Variants in ROBO2 observed in about 807,000 individuals in gnomAD.
The protein encoded by ROBO2 is roundabout guidance receptor 2.
Under a neutral mutation model 160.8 loss-of-function variants are expected in ROBO2, and 53 were observed. That is an observed-to-expected ratio of 0.33 (90% CI 0.26 to 0.41). The LOEUF is 0.41. ROBO2 is among the 10% of genes least tolerant of loss of function. The pLI is 1.00. For synonymous variants in ROBO2, 664 were observed against 611.7 expected (o/e 1.09, Z -1.26); for missense variants, 1,577 against 1,722.4 (o/e 0.92, Z 1.49).
chr3:77,487,451 A>T (rs2085506343), intron 4 of ROBO2, among the ~76,000 whole-genome samples: 1 of 152,172 alleles, frequency 6.6e-6, no homozygotes, highest in Non-Finnish European at 1.5e-5. Context: ...TCTTTACTTC[A>T]TAGGATGAAT....
intron 2 of ROBO2, among the ~76,000 whole-genome samples, chr3:77,464,705 G>T (rs1042628931): frequency 6.6e-6 from 1 of 151,954 alleles, no homozygotes; most frequent in Non-Finnish European, 1.5e-5. Flanking sequence ...ATTTCAGAAT[G>T]AATGAATGCA....
intron 21 of ROBO2, 63 bp from the exon 23 acceptor site, chr3:77,617,450 T>C (rs2094805550): frequency 1.5e-5 from 24 of 1,580,566 alleles, no homozygotes; most frequent in Non-Finnish European, 2.0e-5. Context: ...GCCAGTATAA[T>C]TGTGTGCATG....
intron 2 of ROBO2, among the ~76,000 whole-genome samples, chr3:76,178,541 C>T (rs2073310761): frequency 6.6e-6 from 1 of 152,116 alleles, no homozygotes; most frequent in South Asian, 2.1e-4. Context: ...CACAATACTA[C>T]TAGTTTTACC....
intron 2 of ROBO2, among the ~76,000 whole-genome samples, chr3:76,840,426 G>A (rs1377446002): frequency 2.0e-5 from 3 of 151,078 alleles, no homozygotes; most frequent in African/African-American, 7.3e-5. Flanking sequence ...TGGCTAACAC[G>A]GTGAAACCCC....
intron 5 of ROBO2, among the ~76,000 whole-genome samples, chr3:77,513,964 AT>A (rs2089712058): frequency 6.6e-6 from 1 of 151,860 alleles, no homozygotes; most frequent in Admixed American, 6.6e-5. Flanking sequence ...GACTGCATTT[AT>A]TTAAGTCAAA....
At chr3:76,839,344 T>C (rs368841335) in intron 2 of ROBO2, among the ~76,000 whole-genome samples, 1 of 152,114 alleles carries the variant, frequency 6.6e-6, no homozygotes, top group African/African-American at 2.4e-5. Flanking sequence ...AAATAAGGCA[T>C]GTAGGAAAAG....
At chr3:77,278,955 C>T (rs1054080546) in intron 2 of ROBO2, among the ~76,000 whole-genome samples, 3 of 152,082 alleles carry the variant, frequency 2.0e-5, no homozygotes, top group Non-Finnish European at 4.4e-5. Flanking sequence ...TAACCGCTTA[C>T]TAAATCATCA....
chr3:76,688,784 C>G (rs897604726), intron 2 of ROBO2, among the ~76,000 whole-genome samples: 2 of 151,900 alleles, frequency 1.3e-5, no homozygotes, highest in Non-Finnish European at 2.9e-5. Context: ...AGCTTTATAC[C>G]CAATTTGTAA....
At chr3:76,924,983 C>T (rs1056818149) in intron 2 of ROBO2, among the ~76,000 whole-genome samples, 7 of 151,866 alleles carry the variant, frequency 4.6e-5, no homozygotes, top group East Asian at 3.9e-4. Context: ...CCGAGGCGGG[C>T]GGATCACGAG....
At chr3:76,329,583 G>A (rs1485184695) in intron 2 of ROBO2, among the ~76,000 whole-genome samples, 3 of 152,198 alleles carry the variant, frequency 2.0e-5, no homozygotes, top group Non-Finnish European at 2.9e-5. Flanking sequence ...GTAGCTGTAA[G>A]TTAGTTATCT....
chr3:77,509,323 C>A (rs1403362984), intron 5 of ROBO2, among the ~76,000 whole-genome samples: 2 of 151,980 alleles, frequency 1.3e-5, no homozygotes, highest in East Asian at 3.9e-4. Flanking sequence ...AGCAAGTTCC[C>A]CTGCATCTTG....
chr3:76,024,977 T>C (rs1576530092), intron 2 of ROBO2, among the ~76,000 whole-genome samples: 1 of 150,474 alleles, frequency 6.6e-6, no homozygotes, highest in East Asian at 1.9e-4. Context: ...TATATATATA[T>C]GCTTAAAGGA....
At chr3:76,051,115 TA>T (rs1207815420) in intron 2 of ROBO2, among the ~76,000 whole-genome samples, 2 of 152,222 alleles carry the variant, frequency 1.3e-5, no homozygotes, top group African/African-American at 4.8e-5. Flanking sequence ...TTCTTATATA[TA>T]TTGCCATATT....
intron 1 of ROBO2, among the ~76,000 whole-genome samples, chr3:77,044,873 T>C (rs2064479851): frequency 6.6e-6 from 1 of 152,218 alleles, no homozygotes; most frequent in African/African-American, 2.4e-5. Context: ...AAGAAAAGTA[T>C]TGCTGTATTT....
At chr3:77,040,394 C>T (rs569509653) in exon 1 of ROBO2, 27 of 1,017,384 alleles carry the variant, frequency 2.7e-5, no homozygotes, top group Admixed American at 1.1e-4. Context: ...GGAACACTTT[C>T]TAGGAATTAG....
intron 2 of ROBO2, among the ~76,000 whole-genome samples, chr3:76,095,749 G>C (rs909770507): frequency 1.4e-5 from 2 of 147,936 alleles, no homozygotes; most frequent in Admixed American, 6.9e-5. Flanking sequence ...TAGTATGCTT[G>C]ACACACACAC....
intron 2 of ROBO2, among the ~76,000 whole-genome samples, chr3:77,318,020 A>AT (rs139206646): frequency 0.056 from 8,460 of 151,528 alleles, 728 homozygotes; most frequent in African/African-American, 0.18. Flanking sequence ...TATGTTATTT[A>AT]TTTATTTTAT....
chr3:76,803,433 G>GGGGAAGGATGGAGGGAAGGA (rs1560590505), intron 2 of ROBO2, among the ~76,000 whole-genome samples: 1 of 128,608 alleles, frequency 7.8e-6, no homozygotes, highest in Non-Finnish European at 1.6e-5. Context: ...TACAAAAGAG[G>GGGGAAGGATGGAGGGAAGGA]AGGAAGGATG....
chr3:77,447,370 A>G (rs933533650), intron 2 of ROBO2, among the ~76,000 whole-genome samples: 1 of 152,100 alleles, frequency 6.6e-6, no homozygotes, highest in African/African-American at 2.4e-5. Flanking sequence ...ATTAATATTG[A>G]TGAGGTTCTT....
Sources: gnomAD v4.1 joint callset for allele counts (sites outside exome capture counted in the v4.1 genomes callset) on GRCh38, gnomAD v4.1.1 for gene constraint, MANE v1.5 for transcripts, NCBI Gene and HGNC (gene_info 2026-07-23, HGNC 2026-07-21) for gene names.